The following PRPF6 variants were observed in gnomAD, a reference collection of about 807,000 sequenced individuals.
PRPF6 encodes the protein pre-mRNA-processing factor 6.
In PRPF6, 42 loss-of-function variants were observed where a neutral mutation model predicts 118.3. The observed-to-expected ratio is 0.35, with a 90% CI of 0.28 to 0.46. The LOEUF is 0.46. PRPF6 is among the 20% of genes least tolerant of loss of function. PRPF6 has a pLI of 1.00. For missense variants in PRPF6, 662 were observed against 1,255.7 expected, an observed-to-expected ratio of 0.53 and a Z score of 7.15; for synonymous variants, 481 against 485.1, an observed-to-expected ratio of 0.99 and a Z score of 0.11.
chr20:64,013,431 T>C (rs2059223839), intron 11 of PRPF6, among the ~76,000 whole-genome samples: 1 of 151,996 alleles, frequency 6.6e-6, no homozygotes, highest in Non-Finnish European at 1.5e-5. Context: ...TTCCTTCCTT[T>C]CTTCTTCTTT....
chr20:63,983,346 A>G, intron 2 of PRPF6, 131 bp downstream of exon 2: 1 of 1,161,392 alleles, frequency 8.6e-7, no homozygotes, highest in Non-Finnish European at 1.3e-6. Flanking sequence ...TATTCATGGA[A>G]CATCTTTACT....
chr20:63,983,422 C>T (rs1207006496), intron 2 of PRPF6, among the ~76,000 whole-genome samples: 1 of 150,970 alleles, frequency 6.6e-6, no homozygotes, highest in Non-Finnish European at 1.5e-5. Context: ...AAGAGATGTT[C>T]TTGCAGGTGT....
intron 1 of PRPF6, among the ~76,000 whole-genome samples, 155 bp from the exon 2 acceptor site, chr20:63,982,892 A>G (rs1338071032): frequency 1.3e-5 from 2 of 152,180 alleles, no homozygotes; most frequent in East Asian, 3.8e-4. Context: ...AGAGAAGATC[A>G]GAAGTGTTTG....
chr20:64,020,228 C>T (rs974442097), intron 12 of PRPF6, among the ~76,000 whole-genome samples: 3 of 152,098 alleles, frequency 2.0e-5, no homozygotes, highest in African/African-American at 7.2e-5. Context: ...CCAGCCTGGC[C>T]AACATGGTGA....
At chr20:64,009,332 T>C (rs912930868) in intron 9 of PRPF6, among the ~76,000 whole-genome samples, 1 of 151,492 alleles carries the variant, frequency 6.6e-6, no homozygotes, top group East Asian at 1.9e-4. Flanking sequence ...TGGCATTTTT[T>C]CGTAAATATT....
intron 19 of PRPF6, among the ~76,000 whole-genome samples, chr20:64,031,675 A>C (rs2145402695): frequency 6.6e-6 from 1 of 150,382 alleles, no homozygotes; most frequent in Non-Finnish European, 1.5e-5. Flanking sequence ...TCCTTCTCAA[A>C]AAAAAAAAAA....
At chr20:64,009,653 C>T (rs568339903) in intron 9 of PRPF6, among the ~76,000 whole-genome samples, 10 of 152,248 alleles carry the variant, frequency 6.6e-5, no homozygotes, top group Middle Eastern at 3.4e-3. Flanking sequence ...ACCCAGGAAG[C>T]GGAGGTAGCA....
intron 19 of PRPF6, among the ~76,000 whole-genome samples, chr20:64,031,555 C>G (rs2059313635): frequency 6.6e-6 from 1 of 151,934 alleles, no homozygotes; most frequent in Non-Finnish European, 1.5e-5. Flanking sequence ...TGCCTGTAAT[C>G]CCAGCTACTC....
At chr20:64,006,388 C>G (rs1180053736) in intron 9 of PRPF6, among the ~76,000 whole-genome samples, 1 of 149,594 alleles carries the variant, frequency 6.7e-6, no homozygotes, top group African/African-American at 2.5e-5. Context: ...GCAATCTCGG[C>G]TCACTGCAAC....
At chr20:64,010,653 G>A (rs142696455) in intron 10 of PRPF6, among the ~76,000 whole-genome samples, 12 of 152,294 alleles carry the variant, frequency 7.9e-5, no homozygotes, top group African/African-American at 2.9e-4. Flanking sequence ...AGGTGGCAGC[G>A]TGATAGAAAA....
rs1199828327 is a variant in PRPF6 at position 64,031,919 on chromosome 20, C to T, written c.2548C>T (p.Leu850=). The change falls in exon 20 of 21, where the codon CTG becomes TTG. Residue 850 remains leucine (L), a splice_region_variant and synonymous_variant. Coordinates refer to ENST00000266079, the MANE Select transcript of PRPF6 (RefSeq NM_012469.4). ...GTTCACGTCCTTCTGCTGGAACAGG[C>T]TGTTTTGGAGTCAGCGGAAGATCAC... ...DPHVLLAVAK[L]FWSQRKITKA... The T allele has an allele frequency of 2.5e-6, 4 of 1,614,002 alleles. No individual in the cohort carries two copies. The highest frequency in any genetic ancestry group is 2.5e-6 in the Non-Finnish European group (3 of 1,180,034).
intron 3 of PRPF6, among the ~76,000 whole-genome samples, chr20:63,991,236 C>T (rs1008830639): frequency 6.6e-6 from 1 of 151,946 alleles, no homozygotes; most frequent in African/African-American, 2.4e-5. Flanking sequence ...CCAGCCTGGG[C>T]AACATGGTGA....
chr20:64,032,818 G>C (rs2059321345), intron 20 of PRPF6, 23 bp from the exon 21 acceptor site: 1 of 1,594,582 alleles, frequency 6.3e-7, no homozygotes, highest in Non-Finnish European at 8.5e-7. Context: ...ACCCCTGCCT[G>C]ACGTGCCCTG....
At chr20:63,993,608 C>T in intron 4 of PRPF6, 123 bp downstream of exon 4, 2 of 778,948 alleles carry the variant, frequency 2.6e-6, no homozygotes, top group South Asian at 1.5e-5. Flanking sequence ...GGGGTCATTG[C>T]TTAGAAGAAG....
chr20:63,991,579 C>T (rs1231073471), intron 3 of PRPF6, among the ~76,000 whole-genome samples: 3 of 151,906 alleles, frequency 2.0e-5, no homozygotes, highest in Admixed American at 6.6e-5. Context: ...ATCATGAGGT[C>T]AGGAGATCGA....
At position 64,029,036 on chromosome 20, in the gene PRPF6, G is replaced by A. The variant is rs547513124; in HGVS notation, c.2432-341G>A. ...ACAAAAATGAGCTGGGCATGGTGGC[G>A]GGCGCCTGTAATCCCAGCTACTCGG... On this transcript the variant is annotated intron_variant, in intron 18 of 20. Transcript: ENST00000266079. This position sits in a 1 kb window ranked among gnomAD's most constrained non-coding sequence, Gnocchi z 4.8. 6.6e-6 allele frequency among the ~76,000 whole-genome samples: 1 copy of A among 152,114 alleles called. No individual in the cohort carries two copies. Among genetic ancestry groups the A allele is most frequent in the East Asian group, 1.9e-4 (1 of 5,168 alleles).
intron 12 of PRPF6, among the ~76,000 whole-genome samples, chr20:64,019,102 T>TTG (rs922700192): frequency 1.3e-5 from 2 of 149,126 alleles, no homozygotes; most frequent in African/African-American, 5.0e-5. Context: ...GTTTTTTTTT[T>TTG]TTTTTTTTTT....
intron 9 of PRPF6, 95 bp downstream of exon 9, chr20:64,001,334 A>G (rs1011646054): frequency 6.3e-5 from 91 of 1,441,858 alleles, no homozygotes; most frequent in East Asian, 1.2e-4. Context: ...GTGAGAGTGG[A>G]TAAGGAACCA....
intron 9 of PRPF6, among the ~76,000 whole-genome samples, chr20:64,006,903 C>T (rs190041822): frequency 2.8e-4 from 43 of 152,266 alleles, no homozygotes; most frequent in African/African-American, 8.2e-4. Context: ...GTCTTCTGGC[C>T]GTCTTTCAGT....
Sources: gnomAD v4.1 joint callset for allele counts (sites outside exome capture counted in the v4.1 genomes callset) on GRCh38, gnomAD v4.1.1 for gene constraint, Gnocchi (gnomAD v3.1) non-coding constraint, MANE v1.5 for transcripts, NCBI Gene and HGNC (gene_info 2026-07-23, HGNC 2026-07-21) for gene names.